The following SYT10 variants were observed in gnomAD, a reference collection of about 807,000 sequenced individuals.
The protein encoded by SYT10 is synaptotagmin 10, also known as synaptotagmin-10.
A neutral mutation model predicts 51.1 loss-of-function variants in SYT10; 31 were observed. That is an observed-to-expected ratio of 0.61 (90% CI 0.46 to 0.82). The LOEUF (loss-of-function observed/expected upper bound fraction) is 0.82, where lower values mean the gene tolerates loss of function less well. SYT10 is among the 40% of genes least tolerant of loss of function. SYT10 has a pLI of 0.00. For synonymous variants in SYT10, 233 were observed against 225.9 expected (o/e 1.03, Z -0.28); for missense variants, 603 against 634.0 (o/e 0.95, Z 0.53).
Position 33,439,560 on chromosome 12 carries a change from T to C in SYT10, c.-38A>G, listed in dbSNP as rs750143667. On this transcript the variant is annotated 5_prime_UTR_variant, in exon 1 of 7. Coordinates refer to ENST00000228567, the MANE Select transcript of SYT10 (RefSeq NM_198992.4). ...CTTTCGTTTTCTCTTTTTTTCCCAG[T>C]TAGCCGTCTTTTCCTCTTCCCGTAC... is the stretch of plus-strand genomic sequence containing the variant. The C allele has an allele frequency of 6.2e-7, 1 of 1,603,848 alleles. No homozygotes were observed. The highest frequency in any genetic ancestry group is 1.3e-5 in the African/African-American group (1 of 74,850).
intron 3 of SYT10, among the ~76,000 whole-genome samples, chr12:33,389,449 T>G (rs1866185750): frequency 6.6e-6 from 1 of 152,008 alleles, no homozygotes; most frequent in Admixed American, 6.6e-5. Context: ...AAACAGGCAC[T>G]CAAAAACAAT....
At chr12:33,410,510 T>G (rs1029487247) in intron 2 of SYT10, among the ~76,000 whole-genome samples, 2 of 141,132 alleles carry the variant, frequency 1.4e-5, no homozygotes, top group African/African-American at 5.5e-5. Context: ...CACAGACTTC[T>G]CAGACATTTG....
At chr12:33,383,203 C>T (rs757351410) in intron 4 of SYT10, among the ~76,000 whole-genome samples, 1 of 152,112 alleles carries the variant, frequency 6.6e-6, no homozygotes, top group Non-Finnish European at 1.5e-5. Context: ...TACTTTTGCA[C>T]CTTTTATTCA....
intron 2 of SYT10, among the ~76,000 whole-genome samples, chr12:33,421,093 A>G (rs1565498204): frequency 6.6e-6 from 1 of 152,200 alleles, no homozygotes; most frequent in African/African-American, 2.4e-5. Context: ...TTCTTACAGT[A>G]AAGTTAACTA....
intron 3 of SYT10, among the ~76,000 whole-genome samples, chr12:33,399,009 CAGAG>C (rs890363916): frequency 6.6e-6 from 1 of 152,104 alleles, no homozygotes; most frequent in African/African-American, 2.4e-5. Flanking sequence ...ACTACAGACA[CAGAG>C]AAAGAGATAG....
At chr12:33,419,932 A>G (rs1866487721) in intron 2 of SYT10, among the ~76,000 whole-genome samples, 1 of 152,226 alleles carries the variant, frequency 6.6e-6, no homozygotes, top group African/African-American at 2.4e-5. Context: ...TTTTAGTATT[A>G]CTTGATTCCT....
intron 1 of SYT10, among the ~76,000 whole-genome samples, chr12:33,431,619 T>C (rs1216414996): frequency 6.6e-6 from 1 of 152,118 alleles, no homozygotes; most frequent in Non-Finnish European, 1.5e-5. Context: ...AATCAGAATG[T>C]TATCTTAGTA....
intron 6 of SYT10, 127 bp downstream of exon 6, chr12:33,379,705 G>A (rs1866097033): frequency 1.5e-6 from 2 of 1,294,624 alleles, no homozygotes; most frequent in East Asian, 2.5e-5. Flanking sequence ...ACAAAAGCAA[G>A]AACAATCTTT....
intron 3 of SYT10, among the ~76,000 whole-genome samples, chr12:33,389,011 A>G (rs765571544): frequency 6.6e-6 from 1 of 152,242 alleles, no homozygotes; most frequent in Non-Finnish European, 1.5e-5. Context: ...CAAGAGAAGT[A>G]TTCCTGGAGG....
intron 2 of SYT10, among the ~76,000 whole-genome samples, chr12:33,419,701 T>A (rs1410031502): frequency 2.0e-5 from 3 of 148,106 alleles, no homozygotes; most frequent in African/African-American, 5.1e-5. Context: ...ATAAACACCA[T>A]AAAAAGAGAT....
chr12:33,376,835 G>C lies in SYT10; in HGVS notation c.1567C>G (p.Pro523Ala). 6.2e-7 allele frequency: 1 copy of C among 1,614,058 alleles called. No individual in the cohort carries two copies. Among genetic ancestry groups the C allele is most frequent in the Non-Finnish European group, 8.5e-7 (1 of 1,179,978 alleles). Reference protein sequence around the residue: ...SCPSPKPPSTP With the variant: ...SCPSPKPPSTA ...ATGGTCTCATTTTGGAGGCATTATGGTGTGGAAGGTGGTTTAGGAGAAGGG... is the reference window on the plus strand; with the variant it reads ...ATGGTCTCATTTTGGAGGCATTATGCTGTGGAAGGTGGTTTAGGAGAAGGG... Residue 523 changes from proline (P) to alanine (A), a missense_variant, in exon 7 of 7, where the codon CCA (proline) becomes GCA (alanine). Coordinates refer to ENST00000228567, the MANE Select transcript of SYT10 (RefSeq NM_198992.4).
intron 3 of SYT10, among the ~76,000 whole-genome samples, chr12:33,401,789 C>T (rs1866309314): frequency 6.6e-6 from 1 of 152,046 alleles, no homozygotes; most frequent in South Asian, 2.1e-4. Flanking sequence ...TGTATTTATA[C>T]ATCTCTACAC....
At chr12:33,419,819 A>C (rs1866486214) in intron 2 of SYT10, among the ~76,000 whole-genome samples, 1 of 152,238 alleles carries the variant, frequency 6.6e-6, no homozygotes, top group African/African-American at 2.4e-5. Flanking sequence ...ACGTTCTGAG[A>C]ACATATTATA....
intron 3 of SYT10, among the ~76,000 whole-genome samples, chr12:33,399,378 C>CT (rs1230510965): frequency 6.6e-6 from 1 of 152,134 alleles, no homozygotes; most frequent in East Asian, 1.9e-4. Context: ...TTAACTTTGA[C>CT]TTTTTTGTTT....
chr12:33,376,984 A>G, intron 6 of SYT10, 83 bp from the exon 7 acceptor site: 1 of 1,363,232 alleles, frequency 7.3e-7, no homozygotes, highest in Non-Finnish European at 1.0e-6. Flanking sequence ...TAAATAGTGA[A>G]TATTCAACCA....
intron 3 of SYT10, among the ~76,000 whole-genome samples, chr12:33,390,285 C>T (rs1905416): frequency 0.46 from 70,019 of 151,920 alleles, 17,746 homozygotes; most frequent in East Asian, 0.89. Context: ...GAGGAAGGAT[C>T]CAATCCTCAA....
chr12:33,389,248 G>A (rs1866183747), intron 3 of SYT10, among the ~76,000 whole-genome samples: 1 of 152,098 alleles, frequency 6.6e-6, no homozygotes, highest in South Asian at 2.1e-4. Flanking sequence ...TGGGAGCTTG[G>A]CAGAGTGGAA....
rs11052701 is a variant in SYT10 at position 33,430,309 on chromosome 12, A to T, written c.152-3814T>A. Among the ~76,000 whole-genome samples the T allele has an allele frequency of 8.6e-3, 1,312 of 152,336 alleles. 21 individuals carry two copies. The highest frequency in any genetic ancestry group is 0.03 in the African/African-American group (1,251 of 41,568). ...ATAGTTCAGAAAAACTGAGAAAAAG[A>T]TCACTGTCATCAGAAAATACAGGGA... On this transcript the variant is annotated intron_variant, in intron 1 of 6. Transcript: ENST00000228567.
chr12:33,415,239 ATATAT>A (rs1220173312), intron 2 of SYT10, among the ~76,000 whole-genome samples: 5 of 152,318 alleles, frequency 3.3e-5, no homozygotes, highest in South Asian at 4.1e-4. Flanking sequence ...AGATTAAATG[ATATAT>A]TATATATGAC....
Sources: allele counts gnomAD v4.1 joint callset (sites outside exome capture counted in the v4.1 genomes callset), GRCh38; gene constraint gnomAD v4.1.1; transcripts MANE v1.5; gene names NCBI Gene and HGNC (gene_info 2026-07-23, HGNC 2026-07-21).